The following ARHGAP10 variants were observed in gnomAD, a reference collection of about 807,000 sequenced individuals.
ARHGAP10 encodes rho GTPase-activating protein 10.
In ARHGAP10, 87 loss-of-function variants were observed where a neutral mutation model predicts 108.6. The observed-to-expected ratio is 0.80, with a 90% CI of 0.67 to 0.96. The LOEUF (loss-of-function observed/expected upper bound fraction) is 0.96. ARHGAP10 is among the 40% of genes least tolerant of loss of function. The probability of loss-of-function intolerance (pLI) is 0.00; values close to 1 mark genes in which losing one functional copy is unlikely to be tolerated. For synonymous variants in ARHGAP10, 347 were observed against 341.1 expected, an observed-to-expected ratio of 1.02 and a Z score of -0.19; for missense variants, 939 against 954.5, an observed-to-expected ratio of 0.98 and a Z score of 0.21.
intron 4 of ARHGAP10, among the ~76,000 whole-genome samples, chr4:147,852,704 CTTTTTTT>C (rs869139032): frequency 2.8e-5 from 3 of 105,518 alleles, no homozygotes; most frequent in African/African-American, 1.1e-4. Flanking sequence ...CATCACCAAA[CTTTTTTT>C]TTTTTTTTTT....
At chr4:147,758,096 A>G (rs1211701587) in intron 1 of ARHGAP10, among the ~76,000 whole-genome samples, 1 of 152,112 alleles carries the variant, frequency 6.6e-6, no homozygotes, top group Admixed American at 6.6e-5. Flanking sequence ...AACCCCGTCC[A>G]TACTGAAAAT....
At chr4:147,818,827 G>T (rs2126781653) in intron 1 of ARHGAP10, among the ~76,000 whole-genome samples, 1 of 152,212 alleles carries the variant, frequency 6.6e-6, no homozygotes, top group South Asian at 2.1e-4. Context: ...AATGTATAAA[G>T]TAATGGAAAG....
intron 5 of ARHGAP10, among the ~76,000 whole-genome samples, chr4:147,858,643 G>A (rs1734194328): frequency 6.6e-6 from 1 of 152,160 alleles, no homozygotes; most frequent in South Asian, 2.1e-4. Flanking sequence ...AGTACTTTGG[G>A]TAGGGCTCTG....
intron 1 of ARHGAP10, among the ~76,000 whole-genome samples, chr4:147,733,508 T>G (rs1728306608): frequency 6.6e-6 from 1 of 152,140 alleles, no homozygotes; most frequent in African/African-American, 2.4e-5. Flanking sequence ...CCTTCATCAC[T>G]CACCTAGATT....
rs149919898 is a variant in ARHGAP10 at position 147,919,526 on chromosome 4, C to T, written c.1228+6387C>T. On this transcript the variant is annotated intron_variant, in intron 13 of 22. Coordinates refer to ENST00000336498, the MANE Select transcript of ARHGAP10 (RefSeq NM_024605.4). ...ACTTCCTAAAGCAGTTGTTCCCAAA[C>T]TTTGCTGCACATTGAAATTACCTGG... 7.6e-4 allele frequency among the ~76,000 whole-genome samples: 116 copies of T among 152,206 alleles called. 1 individual carries two copies. In the South Asian group the frequency reaches 0.014, roughly 19 times the overall value.
At chr4:148,051,409 G>T (rs1251302033) in intron 20 of ARHGAP10, among the ~76,000 whole-genome samples, 1 of 152,198 alleles carries the variant, frequency 6.6e-6, no homozygotes, top group Non-Finnish European at 1.5e-5. Flanking sequence ...ATGGAGCCGG[G>T]TCCTTGACAA....
At chr4:147,910,613 C>T (rs577359010) in intron 12 of ARHGAP10, among the ~76,000 whole-genome samples, 29 of 152,114 alleles carry the variant, frequency 1.9e-4, no homozygotes, top group African/African-American at 3.6e-4. Context: ...TCAAGGACAA[C>T]GATCTTCACA....
intron 10 of ARHGAP10, among the ~76,000 whole-genome samples, chr4:147,890,259 G>A (rs1397262274): frequency 6.6e-6 from 1 of 151,104 alleles, no homozygotes; most frequent in Non-Finnish European, 1.5e-5. Flanking sequence ...ATGGCTAATG[G>A]AGGGTGGGGC....
intron 14 of ARHGAP10, among the ~76,000 whole-genome samples, chr4:147,943,371 T>C (rs1248932530): frequency 6.6e-6 from 1 of 152,244 alleles, no homozygotes; most frequent in African/African-American, 2.4e-5. Flanking sequence ...AGGACAGCTT[T>C]GTTGCATAGA....
At chr4:147,880,114 A>G (rs985242053) in intron 9 of ARHGAP10, among the ~76,000 whole-genome samples, 1 of 152,218 alleles carries the variant, frequency 6.6e-6, no homozygotes, top group Admixed American at 6.5e-5. Flanking sequence ...AGGAAAGGTG[A>G]TCTTTATATG....
chr4:148,055,558 A>G (rs983291315), intron 20 of ARHGAP10, among the ~76,000 whole-genome samples: 11 of 152,108 alleles, frequency 7.2e-5, no homozygotes, highest in African/African-American at 2.2e-4. Context: ...GCATGGTGGT[A>G]TGCACCTGTA....
At chr4:148,048,837 TGAG>T (rs1347015782) in intron 20 of ARHGAP10, among the ~76,000 whole-genome samples, 1 of 152,060 alleles carries the variant, frequency 6.6e-6, no homozygotes, top group Non-Finnish European at 1.5e-5. Context: ...ATAAATCAAA[TGAG>T]GAGTGAATTC....
chr4:148,053,162 C>A (rs748081468), intron 20 of ARHGAP10, among the ~76,000 whole-genome samples: 6 of 152,020 alleles, frequency 3.9e-5, no homozygotes, highest in Non-Finnish European at 5.9e-5. Context: ...GAAAATTGGC[C>A]CAAGCCACAC....
intron 20 of ARHGAP10, among the ~76,000 whole-genome samples, chr4:148,057,781 T>C (rs1433998261): frequency 6.6e-6 from 1 of 152,244 alleles, no homozygotes; most frequent in African/African-American, 2.4e-5. Flanking sequence ...TGGTTATTAA[T>C]TGGGCATTCT....
chr4:147,897,896 G>A lies in ARHGAP10; in HGVS notation c.1035-8742G>A, dbSNP rs561850608. Among the ~76,000 whole-genome samples, 27 of 151,980 alleles carry A rather than the reference G, an allele frequency of 1.8e-4. No individual in the cohort carries two copies. In the South Asian group the frequency reaches 2.1e-3, roughly 12 times the overall value. On this transcript the variant is annotated intron_variant, in intron 10 of 22. Transcript: ENST00000336498. ...ATTTATTTTTTTGAGACAGAGTCTC[G>A]CTCTGTTGCCCAGGCAGCGTGTTCT...
intron 18 of ARHGAP10, among the ~76,000 whole-genome samples, chr4:147,998,800 G>A (rs1457688580): frequency 6.6e-6 from 1 of 152,192 alleles, no homozygotes; most frequent in Non-Finnish European, 1.5e-5. Context: ...AGAAATTGTA[G>A]CTACTTCCTA....
rs1305198446 is a variant in ARHGAP10, at chr4:147,822,958, G to C, written c.312+1G>C. On this transcript the variant is annotated splice_donor_variant, in intron 3 of 22. Transcript: ENST00000336498. LOFTEE classifies it high-confidence loss of function. ...TCTGGAGGAACAGAGAGAAATTATG[G>C]TGAGTTGAGAGGGGTGTAAATTAAT... 6.2e-7 allele frequency: 1 copy of C among 1,612,510 alleles called. No individual in the cohort carries two copies.
chr4:148,067,680 G>A (rs1312987329), intron 22 of ARHGAP10, among the ~76,000 whole-genome samples: 1 of 152,198 alleles, frequency 6.6e-6, no homozygotes, highest in Non-Finnish European at 1.5e-5. Context: ...GGCAACAAAG[G>A]AAATTGGTTT....
chr4:147,906,005 G>A (rs897577155), intron 10 of ARHGAP10, among the ~76,000 whole-genome samples: 16 of 152,120 alleles, frequency 1.1e-4, no homozygotes, highest in Admixed American at 1.0e-3. Context: ...ATTGTGAATG[G>A]GAATTCACTC....
Sources: gnomAD v4.1 joint callset for allele counts (sites outside exome capture counted in the v4.1 genomes callset) on GRCh38, gnomAD v4.1.1 for gene constraint, MANE v1.5 for transcripts, NCBI Gene and HGNC (gene_info 2026-07-23, HGNC 2026-07-21) for gene names.